Variants in TMEM232 observed in about 807,000 individuals in gnomAD.
TMEM232 encodes transmembrane protein 232.
A neutral mutation model predicts 78.8 loss-of-function variants in TMEM232; 80 were observed. The observed-to-expected ratio is 1.01, with a 90% CI of 0.85 to 1.22. TMEM232 has a LOEUF of 1.22. Among genes scored for constraint, TMEM232 ranks in the 50% most tolerant of loss-of-function variants. TMEM232 has a pLI of 0.00. For synonymous variants in TMEM232, 297 were observed against 254.3 expected, an observed-to-expected ratio of 1.17 and a Z score of -1.60; for missense variants, 881 against 742.2, an observed-to-expected ratio of 1.19 and a Z score of -2.17.
At chr5:110,444,216 G>A (rs745656576) in intron 12 of TMEM232, among the ~76,000 whole-genome samples, 9 of 152,090 alleles carry the variant, frequency 5.9e-5, no homozygotes, top group Non-Finnish European at 1.2e-4. Flanking sequence ...GGACCCTAGA[G>A]CACTTCAGCC....
At chr5:110,549,740 T>G (rs375323052) in intron 11 of TMEM232, among the ~76,000 whole-genome samples, 22 of 151,634 alleles carry the variant, frequency 1.5e-4, no homozygotes, top group African/African-American at 4.8e-4. Flanking sequence ...TTTAAAGACA[T>G]TAAAAAGATC....
intron 12 of TMEM232, among the ~76,000 whole-genome samples, chr5:110,448,629 A>G (rs931660510): frequency 6.6e-6 from 1 of 152,008 alleles, no homozygotes; most frequent in Non-Finnish European, 1.5e-5. Context: ...CATATATATT[A>G]TAGTTTTAAA....
At chr5:110,665,102 T>A (rs552895997) in intron 2 of TMEM232, among the ~76,000 whole-genome samples, 1 of 152,312 alleles carries the variant, frequency 6.6e-6, no homozygotes, top group South Asian at 2.1e-4. Context: ...TAAGCCAACA[T>A]CTTAAATTCT....
intron 12 of TMEM232, among the ~76,000 whole-genome samples, chr5:110,515,638 T>C (rs1768504274): frequency 1.3e-5 from 2 of 152,192 alleles, no homozygotes; most frequent in South Asian, 4.1e-4. Context: ...TTCTTTCTGC[T>C]AACGGTTGAC....
At chr5:110,473,643 T>C (rs1762919746) in intron 12 of TMEM232, among the ~76,000 whole-genome samples, 1 of 151,396 alleles carries the variant, frequency 6.6e-6, no homozygotes, top group African/African-American at 2.4e-5. Context: ...CTACTGGGTA[T>C]ATATTCAAAG....
At chr5:110,628,942 T>C (rs1784776798) in intron 5 of TMEM232, 1 of 152,054 alleles carries the variant, frequency 6.6e-6, no homozygotes, top group African/African-American at 2.4e-5. Context: ...TCATTACTAA[T>C]AAATTTTGAG....
chr5:110,721,685 C>A (rs868851075), intron 1 of TMEM232, among the ~76,000 whole-genome samples: 275 of 9,036 alleles, frequency 0.03, no homozygotes, highest in Non-Finnish European at 0.053. Context: ...ATATATATAT[C>A]TGTGTGTGTT....
At chr5:110,608,717 A>T (rs1197309294) in intron 8 of TMEM232, among the ~76,000 whole-genome samples, 1 of 152,060 alleles carries the variant, frequency 6.6e-6, no homozygotes, top group East Asian at 1.9e-4. Context: ...TGCTTTCGTC[A>T]AAAACAGAAA....
chr5:110,412,881 A>T (rs311716), intron 2 of TMEM232, among the ~76,000 whole-genome samples: 41,648 of 151,870 alleles, frequency 0.27, 9,358 homozygotes, highest in African/African-American at 0.61. Flanking sequence ...TTAATTTTTT[A>T]AAAAAGTTTT....
intron 5 of TMEM232, among the ~76,000 whole-genome samples, chr5:110,636,134 T>C (rs1785794612): frequency 6.6e-6 from 1 of 151,976 alleles, no homozygotes; most frequent in African/African-American, 2.4e-5. Flanking sequence ...TGGGAGTCAC[T>C]ATGTTAAATG....
chr5:110,485,592 GA>G (rs1406271709), intron 12 of TMEM232, among the ~76,000 whole-genome samples: 1 of 152,074 alleles, frequency 6.6e-6, no homozygotes, highest in Admixed American at 6.6e-5. Context: ...GCTTCACTTA[GA>G]ATAATAGTCT....
chr5:110,688,066 T>C (rs747695855), intron 1 of TMEM232, among the ~76,000 whole-genome samples: 73 of 150,352 alleles, frequency 4.9e-4, no homozygotes, highest in Non-Finnish European at 8.4e-4. Context: ...TCTCTCTTCA[T>C]GGTTTGTACT....
At chr5:110,445,384 C>A (rs1759535138) in intron 12 of TMEM232, among the ~76,000 whole-genome samples, 1 of 152,008 alleles carries the variant, frequency 6.6e-6, no homozygotes, top group Admixed American at 6.6e-5. Context: ...AGGAAATGAA[C>A]ATAACCATCA....
intron 11 of TMEM232, among the ~76,000 whole-genome samples, chr5:110,532,736 TATAAG>T (rs993904636): frequency 3.3e-5 from 5 of 151,992 alleles, no homozygotes; most frequent in East Asian, 1.9e-4. Flanking sequence ...AACACACAAG[TATAAG>T]ATAACTCTAC....
chr5:110,532,453 AG>A (rs1309484706), intron 11 of TMEM232, among the ~76,000 whole-genome samples: 1 of 151,224 alleles, frequency 6.6e-6, no homozygotes, highest in East Asian at 1.9e-4. Flanking sequence ...TTCTTTTCAA[AG>A]GCCTGTTTCC....
intron 1 of TMEM232, among the ~76,000 whole-genome samples, chr5:110,723,155 G>A (rs1797816289): frequency 6.6e-6 from 1 of 152,076 alleles, no homozygotes; most frequent in Non-Finnish European, 1.5e-5. Flanking sequence ...TTTCTGTTTT[G>A]GAAGGCTATT....
chr5:110,615,945 T>C (rs1782871896), intron 8 of TMEM232, among the ~76,000 whole-genome samples: 1 of 151,982 alleles, frequency 6.6e-6, no homozygotes, highest in Non-Finnish European at 1.5e-5. Flanking sequence ...AGTGGGAAGA[T>C]ATTCCATGTT....
At chr5:110,734,231 G>A (rs1031594651) in intron 2 of TMEM232, among the ~76,000 whole-genome samples, 61 of 152,170 alleles carry the variant, frequency 4.0e-4, no homozygotes, top group African/African-American at 1.4e-3. Context: ...GGTTCACCTG[G>A]GATTGTCCCC....
chr5:110,530,038 G>A (rs73783609), intron 11 of TMEM232, among the ~76,000 whole-genome samples: 1 of 152,080 alleles, frequency 6.6e-6, no homozygotes, highest in Admixed American at 6.6e-5. Flanking sequence ...TCAATCTTGC[G>A]ATAGGAAAGA....
Sources: gnomAD v4.1 joint callset for allele counts (sites outside exome capture counted in the v4.1 genomes callset) on GRCh38, gnomAD v4.1.1 for gene constraint, MANE v1.5 for transcripts, NCBI Gene and HGNC (gene_info 2026-07-23, HGNC 2026-07-21) for gene names.